MACROD2: variants seen among roughly 807,000 people sequenced by gnomAD.
MACROD2 encodes the protein mono-ADP ribosylhydrolase 2.
In MACROD2, 36 loss-of-function variants were observed where a neutral mutation model predicts 70.4. That is an observed-to-expected ratio of 0.51 (90% CI 0.39 to 0.68). The LOEUF (loss-of-function observed/expected upper bound fraction) is 0.68, where lower values mean the gene tolerates loss of function less well. Ranked by LOEUF, MACROD2 falls within the 30% of genes least tolerant of loss-of-function variation. The pLI is 0.00. For missense variants in MACROD2, 496 were observed against 538.4 expected, an observed-to-expected ratio of 0.92 and a Z score of 0.78; for synonymous variants, 172 against 178.8, an observed-to-expected ratio of 0.96 and a Z score of 0.30.
intron 5 of MACROD2, among the ~76,000 whole-genome samples, chr20:14,686,343 G>A (rs750763668): frequency 3.9e-5 from 6 of 152,114 alleles, no homozygotes; most frequent in Non-Finnish European, 5.9e-5. Flanking sequence ...CACATAACAT[G>A]AGTGTGATAT....
chr20:15,976,526 C>A (rs1307259572), intron 13 of MACROD2, among the ~76,000 whole-genome samples: 1 of 152,166 alleles, frequency 6.6e-6, no homozygotes, highest in Non-Finnish European at 1.5e-5. Context: ...GCCAAGAAAG[C>A]AGGATGGAAT....
chr20:14,811,890 G>A (rs746498476), intron 5 of MACROD2, among the ~76,000 whole-genome samples: 5 of 151,920 alleles, frequency 3.3e-5, no homozygotes, highest in African/African-American at 7.3e-5. Context: ...ACCATCTTGC[G>A]CCAGTTAGAA....
intron 6 of MACROD2, among the ~76,000 whole-genome samples, chr20:15,335,002 A>G (rs904752624): frequency 6.6e-6 from 1 of 151,700 alleles, no homozygotes; most frequent in African/African-American, 2.4e-5. Context: ...TTTTATGACA[A>G]TCATCACAGT....
At chr20:15,136,569 G>GA (rs1380353514) in intron 5 of MACROD2, among the ~76,000 whole-genome samples, 1 of 152,102 alleles carries the variant, frequency 6.6e-6, no homozygotes, top group African/African-American at 2.4e-5. Flanking sequence ...ATTCAAGATG[G>GA]ATTAAAGACT....
intron 8 of MACROD2, among the ~76,000 whole-genome samples, chr20:15,636,076 G>GAAAAAAAAAAAAAAA (rs57402806): frequency 3.1e-3 from 263 of 85,570 alleles, no homozygotes; most frequent in Non-Finnish European, 4.7e-3. Flanking sequence ...CCTCTCAAAA[G>GAAAAAAAAAAAAAAA]AAAAAAAAAA....
At chr20:14,853,173 CTGTGTGTG>C (rs147348353) in intron 5 of MACROD2, among the ~76,000 whole-genome samples, 5 of 149,238 alleles carry the variant, frequency 3.4e-5, no homozygotes, top group Admixed American at 6.7e-5. Flanking sequence ...GTGTGTGTGT[CTGTGTGTG>C]TGTGTGTGTG....
chr20:15,964,993 C>A (rs891112573), intron 12 of MACROD2, among the ~76,000 whole-genome samples: 1 of 152,280 alleles, frequency 6.6e-6, no homozygotes, highest in Admixed American at 6.5e-5. Context: ...CTTGTCATCA[C>A]ATAAAGACAT....
intron 8 of MACROD2, among the ~76,000 whole-genome samples, chr20:15,699,001 T>C (rs1158053611): frequency 6.6e-6 from 1 of 152,250 alleles, no homozygotes; most frequent in African/African-American, 2.4e-5. Context: ...TGTTTTGGAT[T>C]TCTTTGCATT....
chr20:15,270,742 A>G (rs182444748), intron 6 of MACROD2, among the ~76,000 whole-genome samples: 2 of 152,246 alleles, frequency 1.3e-5, no homozygotes, highest in Admixed American at 1.3e-4. Context: ...TGTACTAGAA[A>G]TACCAGAATA....
intron 10 of MACROD2, among the ~76,000 whole-genome samples, chr20:15,901,018 A>T (rs1296853054): frequency 6.6e-6 from 1 of 151,888 alleles, no homozygotes; most frequent in East Asian, 1.9e-4. Flanking sequence ...CCCACCAAAG[A>T]CTCCCCTACC....
At chr20:14,372,045 GT>G (rs1311476407) in intron 3 of MACROD2, among the ~76,000 whole-genome samples, 1 of 151,842 alleles carries the variant, frequency 6.6e-6, no homozygotes. Context: ...CCTTGACCAC[GT>G]TTTCCTGGTC....
intron 9 of MACROD2, among the ~76,000 whole-genome samples, chr20:15,875,063 C>T (rs563421047): frequency 6.6e-6 from 1 of 152,136 alleles, no homozygotes; most frequent in Non-Finnish European, 1.5e-5. Flanking sequence ...ACATGGGCAT[C>T]TCTAGAAGCT....
intron 8 of MACROD2, among the ~76,000 whole-genome samples, chr20:15,835,917 A>G (rs945018821): frequency 6.6e-6 from 1 of 152,186 alleles, no homozygotes; most frequent in African/African-American, 2.4e-5. Context: ...GAATGCCTAG[A>G]AAAGCCACAT....
chr20:14,002,146 T>C (rs1470923042), intron 1 of MACROD2, 142 bp from the exon 2 acceptor site: 11 of 436,854 alleles, frequency 2.5e-5, no homozygotes. Flanking sequence ...CATTTAAATA[T>C]GGAGTCACTG....
chr20:15,637,103 G>T (rs968459049), intron 8 of MACROD2, among the ~76,000 whole-genome samples: 1 of 152,160 alleles, frequency 6.6e-6, no homozygotes, highest in Non-Finnish European at 1.5e-5. Flanking sequence ...TCCCCACAAA[G>T]AACTGCAGAT....
At chr20:15,055,608 A>T (rs920363308) in intron 5 of MACROD2, among the ~76,000 whole-genome samples, 3 of 152,182 alleles carry the variant, frequency 2.0e-5, no homozygotes, top group Admixed American at 6.5e-5. Flanking sequence ...ATGGGAAGGG[A>T]GGATCATCAG....
intron 8 of MACROD2, among the ~76,000 whole-genome samples, chr20:15,597,005 A>G (rs2146679788): frequency 6.6e-6 from 1 of 152,336 alleles, no homozygotes; most frequent in East Asian, 1.9e-4. Context: ...AAAACTTTTA[A>G]AAAGGAAAGG....
At position 14,326,454 on chromosome 20, in the gene MACROD2, T is replaced by C. The variant is rs372667293; in HGVS notation, c.272-167025T>C. The C allele has an allele frequency of 4.3e-6, 7 of 1,613,742 alleles. No homozygotes were observed. The African/African-American group carries it at 8.0e-5, about 18-fold the overall frequency. On this transcript the variant is annotated intron_variant, in intron 3 of 17. Transcript: ENST00000684519. This position sits in a 1 kb window ranked among gnomAD's most constrained non-coding sequence, Gnocchi z 5.5. ...TCCCACTGTCCTTACAATCAAACAG[T>C]TCTGCATTGAGATCCTTAATAGCCA...
chr20:15,430,118 TGA>T (rs200068952), intron 6 of MACROD2, among the ~76,000 whole-genome samples: 6,577 of 152,118 alleles, frequency 0.043, 183 homozygotes, highest in Middle Eastern at 0.078. Context: ...TTTTTGTGGC[TGA>T]GTAGTATTCC....
Sources: allele counts gnomAD v4.1 joint callset (sites outside exome capture counted in the v4.1 genomes callset), GRCh38; gene constraint gnomAD v4.1.1; non-coding constraint Gnocchi (gnomAD v3.1); transcripts MANE v1.5; gene names NCBI Gene and HGNC (gene_info 2026-07-23, HGNC 2026-07-21).